Variants in WDR4 observed in about 807,000 individuals in gnomAD.
WDR4 encodes the protein tRNA (guanine-N(7)-)-methyltransferase non-catalytic subunit WDR4.
In WDR4, 47 loss-of-function variants were observed where a neutral mutation model predicts 48.6. The ratio of observed to expected loss-of-function variants is 0.97; its 90% confidence interval spans 0.77 to 1.23. The LOEUF (loss-of-function observed/expected upper bound fraction) is 1.23. Among genes scored for constraint, WDR4 ranks in the 50% most tolerant of loss-of-function variants. The pLI is 0.00. For missense variants in WDR4, 606 were observed against 551.6 expected, an observed-to-expected ratio of 1.10 and a Z score of -0.99; for synonymous variants, 268 against 230.0, an observed-to-expected ratio of 1.17 and a Z score of -1.49.
At chr21:42,883,256 C>G (rs1389106560), upstream of WDR4, among the ~76,000 whole-genome samples, 1 of 119,078 alleles carries the variant, frequency 8.4e-6, no homozygotes, top group Non-Finnish European at 1.6e-5. Context: ...ACCCGAGTAA[C>G]AGAGTGAGAC....
chr21:42,877,356 C>G (rs1017683759), intron 1 of WDR4, among the ~76,000 whole-genome samples: 2 of 151,024 alleles, frequency 1.3e-5, no homozygotes, highest in Non-Finnish European at 3.0e-5. Flanking sequence ...GTTGGCCAGG[C>G]TGGTCTCAAG....
At chr21:42,886,204 G>A in the WDR4 span, among the ~76,000 whole-genome samples, 2 of 152,056 alleles carry the variant, frequency 1.3e-5, no homozygotes, top group East Asian at 1.9e-4. Context: ...CAATCCCACC[G>A]CCTTGGCCTC....
downstream of WDR4, among the ~76,000 whole-genome samples, chr21:42,847,369 G>C (rs2057719962): frequency 6.6e-6 from 1 of 152,248 alleles, no homozygotes; most frequent in African/African-American, 2.4e-5. Context: ...ACTTCGGGCA[G>C]GTGAACAGGA....
At chr21:42,877,869 C>G (rs2146114749) in intron 1 of WDR4, among the ~76,000 whole-genome samples, 2 of 151,796 alleles carry the variant, frequency 1.3e-5, no homozygotes, top group East Asian at 3.9e-4. Flanking sequence ...ACAGTGAAAC[C>G]CCCATCTCCA....
the WDR4 span, among the ~76,000 whole-genome samples, chr21:42,886,148 G>C: frequency 0.035 from 5,313 of 152,078 alleles, 128 homozygotes; most frequent in South Asian, 0.11. Flanking sequence ...GTAGAGACAG[G>C]GTTTTGCCAT....
chr21:42,879,064 G>A, intron 1 of WDR4: 5 of 1,108,108 alleles, frequency 4.5e-6, no homozygotes, highest in Non-Finnish European at 5.5e-6. Flanking sequence ...ACTGGTCAGC[G>A]TCGCCCCACG....
Position 42,862,695 on chromosome 21 carries a change from C to T in WDR4, c.454-301G>A, listed in dbSNP as rs1284297221. Among the ~76,000 whole-genome samples, 3 of 152,146 alleles carry T rather than the reference C, an allele frequency of 2.0e-5. No individual in the cohort carries two copies. Among genetic ancestry groups the T allele is most frequent in the Non-Finnish European group, 4.4e-5 (3 of 68,028 alleles). Reference sequence around the variant, plus strand: ...CTCCCGCACCTTGGCAAATCCAGGCCCCACGCCCATTTCCACCCGCCACAG... The same window carrying T: ...CTCCCGCACCTTGGCAAATCCAGGCTCCACGCCCATTTCCACCCGCCACAG... On this transcript the variant is annotated intron_variant, in intron 4 of 10. Coordinates refer to ENST00000398208, the MANE Select transcript of WDR4 (RefSeq NM_018669.6). This position sits in a 1 kb window ranked among gnomAD's most constrained non-coding sequence, Gnocchi z 4.3.
rs13052506 is a variant in WDR4, at chr21:42,864,094, C to T, written c.297-498G>A. Among the ~76,000 whole-genome samples, 100 of 61,234 alleles carry T rather than the reference C, an allele frequency of 1.6e-3. 3 individuals carry two copies. The highest frequency in any genetic ancestry group is 2.0e-3 in the Non-Finnish European group (73 of 36,888). The allele number at this position is 61,234 out of a possible 152,430, so 40.2% of individuals were successfully genotyped here. Reference sequence around the variant, plus strand: ...CGCACTCCAGCCTGGGGCGACAGAGCGAGACTCCGTCTCAAAAAAAAAAAA... The same window carrying T: ...CGCACTCCAGCCTGGGGCGACAGAGTGAGACTCCGTCTCAAAAAAAAAAAA... On this transcript the variant is annotated intron_variant, in intron 3 of 10. Transcript: ENST00000398208.
chr21:42,848,607 T>A (rs2057736115), downstream of WDR4, among the ~76,000 whole-genome samples: 2 of 48,960 alleles, frequency 4.1e-5, no homozygotes, highest in Admixed American at 2.5e-4. Flanking sequence ...AGCGTGCACC[T>A]CACACACAGC....
upstream of WDR4, among the ~76,000 whole-genome samples, chr21:42,883,281 A>C: frequency 6.7e-6 from 1 of 149,436 alleles, no homozygotes; most frequent in Admixed American, 6.7e-5. Context: ...TCTCAAAAAA[A>C]AAAAAAAAAA....
chr21:42,878,505 A>C (rs577920762), intron 1 of WDR4, among the ~76,000 whole-genome samples: 8 of 152,310 alleles, frequency 5.3e-5, no homozygotes, highest in African/African-American at 1.7e-4. Context: ...TTTTTGTGAG[A>C]CCTAACTTAA....
At chr21:42,882,881 C>T (rs2058617599), upstream of WDR4, among the ~76,000 whole-genome samples, 1 of 151,858 alleles carries the variant, frequency 6.6e-6, no homozygotes, top group Admixed American at 6.6e-5. Context: ...GGTGGATCAT[C>T]TGAGGTCAGG....
At chr21:42,886,299 C>T in the WDR4 span, among the ~76,000 whole-genome samples, 1 of 152,230 alleles carries the variant, frequency 6.6e-6, no homozygotes, top group South Asian at 2.1e-4. Flanking sequence ...TATTTAGGAG[C>T]ACCTTTTCCT....
intron 3 of WDR4, among the ~76,000 whole-genome samples, chr21:42,870,707 T>C (rs960375829): frequency 1.3e-5 from 2 of 152,116 alleles, no homozygotes; most frequent in African/African-American, 4.8e-5. Context: ...GAGAATTGCT[T>C]GAACCTGGGA....
At chr21:42,875,460 C>T (rs1289337879) in intron 2 of WDR4, among the ~76,000 whole-genome samples, 1 of 152,124 alleles carries the variant, frequency 6.6e-6, no homozygotes, top group African/African-American at 2.4e-5. Context: ...GAGGCTGAGT[C>T]AGGAGAACCA....
intron 9 of WDR4, among the ~76,000 whole-genome samples, chr21:42,853,177 C>T (rs571254639): frequency 3.9e-5 from 6 of 152,226 alleles, no homozygotes; most frequent in South Asian, 2.1e-4. Flanking sequence ...CTCCTCTACC[C>T]GGGGCTCCAC....
At chr21:42,850,372 T>G in intron 10 of WDR4, 130 bp from the exon 11 acceptor site, 1 of 806,594 alleles carries the variant, frequency 1.2e-6, no homozygotes, top group Non-Finnish European at 1.9e-6. Flanking sequence ...GGGGGGCGCC[T>G]TCTGGGACGG....
chr21:42,862,079 G>A lies in WDR4; in HGVS notation c.566+203C>T, dbSNP rs982593778. Among the ~76,000 whole-genome samples, 3 of 152,180 alleles carry A rather than the reference G, an allele frequency of 2.0e-5. No homozygotes were observed. Among genetic ancestry groups the A allele is most frequent in the Non-Finnish European group, 4.4e-5 (3 of 68,036 alleles). ...ATGCCAAGTTACTGGCACAGACTCC[G>A]GGTAACAGCGCAGAGTGAACCCCAC... On this transcript the variant is annotated intron_variant, in intron 5 of 10. Coordinates refer to ENST00000398208, the MANE Select transcript of WDR4 (RefSeq NM_018669.6). This position sits in a 1 kb window ranked among gnomAD's most constrained non-coding sequence, Gnocchi z 4.3.
chr21:42,883,250 G>A (rs375217022), upstream of WDR4, among the ~76,000 whole-genome samples: 23 of 140,830 alleles, frequency 1.6e-4, no homozygotes, highest in East Asian at 3.3e-3. Flanking sequence ...ACTCCAACCC[G>A]AGTAACAGAG....
Sources: gnomAD v4.1 joint callset for allele counts (sites outside exome capture counted in the v4.1 genomes callset) on GRCh38, gnomAD v4.1.1 for gene constraint, Gnocchi (gnomAD v3.1) non-coding constraint, MANE v1.5 for transcripts, NCBI Gene and HGNC (gene_info 2026-07-23, HGNC 2026-07-21) for gene names.